Variants in HACD2 observed in about 807,000 individuals in gnomAD.
HACD2 encodes the protein 3-hydroxyacyl-CoA dehydratase 2.
A neutral mutation model predicts 31.0 loss-of-function variants in HACD2; 15 were observed. That is an observed-to-expected ratio of 0.48 (90% CI 0.32 to 0.75). The LOEUF (loss-of-function observed/expected upper bound fraction) is 0.75. Ranked by LOEUF, HACD2 falls within the 30% of genes least tolerant of loss-of-function variation. The pLI is 0.03. For missense variants in HACD2, 283 were observed against 313.0 expected, an observed-to-expected ratio of 0.90 and a Z score of 0.72; for synonymous variants, 115 against 122.2, an observed-to-expected ratio of 0.94 and a Z score of 0.39.
At chr3:123,530,834 G>A (rs1262350131) in intron 3 of HACD2, among the ~76,000 whole-genome samples, 2 of 151,944 alleles carry the variant, frequency 1.3e-5, no homozygotes, top group Non-Finnish European at 2.9e-5. Context: ...TTACAGGCGT[G>A]AGCCCCCATG....
At chr3:123,529,191 C>G (rs2056321332) in intron 3 of HACD2, among the ~76,000 whole-genome samples, 1 of 152,180 alleles carries the variant, frequency 6.6e-6, no homozygotes, top group East Asian at 1.9e-4. Flanking sequence ...ACCTCCACCT[C>G]CCAGGTTCAA....
At chr3:123,538,586 A>G (rs1228320366) in intron 3 of HACD2, among the ~76,000 whole-genome samples, 1 of 152,222 alleles carries the variant, frequency 6.6e-6, no homozygotes, top group Non-Finnish European at 1.5e-5. Context: ...TAACTAGGGC[A>G]TGCATACCCA....
At chr3:123,517,574 C>T (rs917316663) in intron 4 of HACD2, among the ~76,000 whole-genome samples, 1 of 152,086 alleles carries the variant, frequency 6.6e-6, no homozygotes, top group Non-Finnish European at 1.5e-5. Context: ...TGACTGTGGC[C>T]CCAAGAAAAG....
chr3:123,564,924 C>G (rs2056774752), intron 3 of HACD2, among the ~76,000 whole-genome samples: 1 of 152,068 alleles, frequency 6.6e-6, no homozygotes, highest in Non-Finnish European at 1.5e-5. Flanking sequence ...AATCTGCCCT[C>G]GAGGAGCTCA....
chr3:123,561,857 G>T (rs1232101106), intron 3 of HACD2, among the ~76,000 whole-genome samples: 1 of 151,960 alleles, frequency 6.6e-6, no homozygotes, highest in East Asian at 1.9e-4. Flanking sequence ...TGTCGCCCAG[G>T]CTGGAGTGCA....
intron 4 of HACD2, among the ~76,000 whole-genome samples, chr3:123,509,864 G>GGGAGAAGGGAGTCAAT (rs536504214): frequency 1.6e-3 from 239 of 152,180 alleles, no homozygotes; most frequent in African/African-American, 5.5e-3. Flanking sequence ...TGGGGAGGCG[G>GGGAGAAGGGAGTCAAT]GGAGAAGGGA....
intron 3 of HACD2, among the ~76,000 whole-genome samples, chr3:123,542,270 A>G (rs2056503025): frequency 1.3e-5 from 2 of 152,082 alleles, no homozygotes; most frequent in Admixed American, 1.3e-4. Context: ...GCCACAATTA[A>G]TAAACAAATA....
intron 4 of HACD2, among the ~76,000 whole-genome samples, chr3:123,506,544 C>T (rs2055977608): frequency 6.6e-6 from 1 of 152,172 alleles, no homozygotes; most frequent in East Asian, 1.9e-4. Flanking sequence ...ATCCTCCCAC[C>T]TCAGTCTCAA....
At chr3:123,542,799 A>G (rs1187278408) in intron 3 of HACD2, among the ~76,000 whole-genome samples, 1 of 152,258 alleles carries the variant, frequency 6.6e-6, no homozygotes, top group Non-Finnish European at 1.5e-5. Context: ...GCAGAACATT[A>G]TTAAAGATCA....
intron 3 of HACD2, among the ~76,000 whole-genome samples, chr3:123,529,183 C>A (rs1401048406): frequency 6.6e-6 from 1 of 152,162 alleles, no homozygotes; most frequent in African/African-American, 2.4e-5. Context: ...TCACTGCAAC[C>A]TCCACCTCCC....
chr3:123,509,582 T>G (rs1044993952), intron 4 of HACD2, among the ~76,000 whole-genome samples: 1 of 149,580 alleles, frequency 6.7e-6, no homozygotes, highest in Non-Finnish European at 1.5e-5. Flanking sequence ...CACTGCAAGC[T>G]CCGCTTCCCG....
At chr3:123,582,714 G>A (rs945603106) in intron 1 of HACD2, among the ~76,000 whole-genome samples, 3 of 152,142 alleles carry the variant, frequency 2.0e-5, no homozygotes, top group Non-Finnish European at 4.4e-5. Flanking sequence ...AGCCTGTGCA[G>A]TTAAAGGGTT....
intron 4 of HACD2, among the ~76,000 whole-genome samples, chr3:123,524,675 G>A (rs2056257047): frequency 6.6e-6 from 1 of 152,120 alleles, no homozygotes; most frequent in Admixed American, 6.6e-5. Flanking sequence ...AGGTTTTCTT[G>A]TTTTTTGTTT....
At chr3:123,584,312 C>T (rs2107767099) in intron 1 of HACD2, 1 of 152,430 alleles carries the variant, frequency 6.6e-6, no homozygotes, top group African/African-American at 2.4e-5. Flanking sequence ...AGTTTCTTCC[C>T]CACCCCAACC....
intron 4 of HACD2, among the ~76,000 whole-genome samples, chr3:123,517,465 C>T (rs1361181056): frequency 5.9e-5 from 9 of 152,184 alleles, no homozygotes; most frequent in Non-Finnish European, 1.0e-4. Flanking sequence ...TAATCCCAAC[C>T]TTCATCATAT....
intron 4 of HACD2, among the ~76,000 whole-genome samples, chr3:123,515,527 C>T (rs1276268544): frequency 6.6e-6 from 1 of 152,156 alleles, no homozygotes; most frequent in Non-Finnish European, 1.5e-5. Context: ...TAAGGGGCTG[C>T]AGTGCTGGTG....
intron 3 of HACD2, among the ~76,000 whole-genome samples, 153 bp from the exon 4 acceptor site, chr3:123,528,627 A>G (rs1359049915): frequency 1.3e-5 from 2 of 152,208 alleles, no homozygotes; most frequent in East Asian, 1.9e-4. Context: ...TAAGTTTTCA[A>G]TGTAGTCCAC....
chr3:123,583,668 A>C (rs1253464750), intron 1 of HACD2, among the ~76,000 whole-genome samples: 2 of 152,212 alleles, frequency 1.3e-5, no homozygotes, highest in Non-Finnish European at 2.9e-5. Flanking sequence ...TTCGTGAAAA[A>C]AAAGCAAGGT....
rs2055891006 is a variant in HACD2 at position 123,500,612 on chromosome 3, T to C, written c.585A>G (p.Arg195=). The stretch of plus-strand genomic sequence containing the variant: ...AACTGATGGAATATAGGCCAGCTTG[T>C]CTGACAAAGGGCAGAGCTGCATATA... The part of the protein sequence containing the change: ...LTIYAALPFV[R]QAGLYSISLP... Residue 195 remains arginine, a synonymous_variant, in exon 6 of 7, where the codon AGA becomes AGG. Transcript: ENST00000383657. 6.2e-7 allele frequency: 1 copy of C among 1,613,074 alleles called. No individual in the cohort carries two copies. The highest frequency in any genetic ancestry group is 8.5e-7 in the Non-Finnish European group (1 of 1,179,180).
Sources: gnomAD v4.1 joint callset for allele counts (sites outside exome capture counted in the v4.1 genomes callset) on GRCh38, gnomAD v4.1.1 for gene constraint, MANE v1.5 for transcripts, NCBI Gene and HGNC (gene_info 2026-07-23, HGNC 2026-07-21) for gene names.